USP34: variants seen among roughly 807,000 people sequenced by gnomAD.
USP34 encodes ubiquitin specific peptidase 34.
A neutral mutation model predicts 460.3 loss-of-function variants in USP34; 70 were observed. The observed-to-expected ratio is 0.15, with a 90% CI of 0.13 to 0.19. USP34 has a LOEUF of 0.19. Among genes scored for constraint, USP34 ranks in the 10% least tolerant of loss-of-function variants. The pLI, the probability that USP34 is intolerant of heterozygous loss-of-function variation, is 1.00. For missense variants in USP34, 3,985 were observed against 4,236.2 expected, an observed-to-expected ratio of 0.94 and a Z score of 1.65; for synonymous variants, 1,647 against 1,405.3, an observed-to-expected ratio of 1.17 and a Z score of -3.85.
chr2:61,369,918 A>T (rs1340128956), intron 10 of USP34, among the ~76,000 whole-genome samples: 1 of 151,756 alleles, frequency 6.6e-6, no homozygotes, highest in Non-Finnish European at 1.5e-5. Context: ...GCAGAAAGGA[A>T]AAACATGTAA....
chr2:61,343,783 G>T, intron 16 of USP34, 32 bp downstream of exon 16: 1 of 1,580,894 alleles, frequency 6.3e-7, no homozygotes, highest in South Asian at 1.1e-5. Flanking sequence ...TTGTGAAGAA[G>T]GTAATATATT....
At chr2:61,298,388 A>AAC (rs1289838400) in intron 29 of USP34, among the ~76,000 whole-genome samples, 1 of 145,786 alleles carries the variant, frequency 6.9e-6, no homozygotes, top group African/African-American at 2.6e-5. Context: ...AAAAAAAAAA[A>AAC]CTAGCTGGGC....
intron 48 of USP34, among the ~76,000 whole-genome samples, chr2:61,255,176 T>C (rs927601002): frequency 6.6e-6 from 1 of 152,208 alleles, no homozygotes; most frequent in African/African-American, 2.4e-5. Context: ...TCCAAGAAAT[T>C]CTACTGAAAA....
At chr2:61,190,201 A>G (rs1686590728) in intron 78 of USP34, 70 bp downstream of exon 78, 2 of 1,513,860 alleles carry the variant, frequency 1.3e-6, no homozygotes, top group South Asian at 1.3e-5. Context: ...GAGTAAAATC[A>G]TATGAAGGCC....
chr2:61,248,596 C>T lies in USP34; in HGVS notation c.6309G>A (p.Val2103=). The change falls in exon 49 of 80, where the codon GTG becomes GTA. Residue 2103 remains valine (V), a synonymous_variant. Coordinates refer to ENST00000398571, the MANE Select transcript of USP34 (RefSeq NM_014709.4). The part of the protein sequence containing the change: ...FNMVTMMKEK[V]NTHFSFPLRL... ...GTAATGGGAAGGAAAAGTGTGTATT[C>T]ACTTTCTCTTTCATCATCGTGACCA... The T allele has an allele frequency of 6.2e-7, 1 of 1,609,182 alleles. No individual in the cohort carries two copies.
intron 48 of USP34, among the ~76,000 whole-genome samples, chr2:61,255,396 C>A (rs1462942687): frequency 6.6e-6 from 1 of 152,182 alleles, no homozygotes; most frequent in Non-Finnish European, 1.5e-5. Flanking sequence ...CCTGCAGGAC[C>A]TTTCTAGCTG....
intron 72 of USP34, 64 bp from the exon 73 acceptor site, chr2:61,204,665 A>G: frequency 7.8e-7 from 1 of 1,290,200 alleles, no homozygotes; most frequent in Admixed American, 1.8e-5. Flanking sequence ...ACTACTTTCC[A>G]TCTTACAAAT....
At chr2:61,427,131 C>T (rs886112834) in intron 1 of USP34, among the ~76,000 whole-genome samples, 2 of 152,196 alleles carry the variant, frequency 1.3e-5, no homozygotes, top group East Asian at 3.9e-4. Flanking sequence ...AGGTTCACAC[C>T]ATTCTCCTGC....
chr2:61,289,397 A>G (rs1449976719), intron 33 of USP34, among the ~76,000 whole-genome samples: 2 of 151,984 alleles, frequency 1.3e-5, no homozygotes, highest in African/African-American at 4.8e-5. Flanking sequence ...AAATAAATTT[A>G]TTTTATTTAA....
intron 5 of USP34, among the ~76,000 whole-genome samples, 153 bp downstream of exon 5, chr2:61,394,700 A>G (rs1693463175): frequency 6.6e-6 from 1 of 152,126 alleles, no homozygotes; most frequent in Admixed American, 6.5e-5. Context: ...AATAATAAAG[A>G]TCGTTAAAAC....
At chr2:61,277,190 C>A (rs879915150) in intron 41 of USP34, among the ~76,000 whole-genome samples, 3 of 150,762 alleles carry the variant, frequency 2.0e-5, no homozygotes, top group Admixed American at 6.6e-5. Flanking sequence ...GACAGTAATT[C>A]AAAATATACA....
At chr2:61,284,389 A>T (rs986499628) in intron 35 of USP34, among the ~76,000 whole-genome samples, 18 of 152,208 alleles carry the variant, frequency 1.2e-4, no homozygotes, top group Admixed American at 9.2e-4. Flanking sequence ...AAAGGCTGAG[A>T]AAGTTATCTC....
intron 3 of USP34, among the ~76,000 whole-genome samples, chr2:61,401,780 G>A (rs1444979819): frequency 6.9e-6 from 1 of 145,834 alleles, no homozygotes; most frequent in East Asian, 2.1e-4. Context: ...GGATGGTCTC[G>A]ATATCCTGAC....
chr2:61,268,729 A>C (rs1230443780), intron 41 of USP34, among the ~76,000 whole-genome samples: 1 of 152,160 alleles, frequency 6.6e-6, no homozygotes, highest in African/African-American at 2.4e-5. Flanking sequence ...TATGTAAATA[A>C]GGTTTTTTAG....
intron 53 of USP34, among the ~76,000 whole-genome samples, chr2:61,240,278 T>C (rs981393077): frequency 2.0e-5 from 3 of 152,146 alleles, no homozygotes; most frequent in Non-Finnish European, 4.4e-5. Flanking sequence ...CACATTTGTA[T>C]TCCTTAATAT....
intron 18 of USP34, among the ~76,000 whole-genome samples, chr2:61,336,235 C>T (rs1274835965): frequency 6.6e-6 from 1 of 151,038 alleles, no homozygotes; most frequent in Non-Finnish European, 1.5e-5. Flanking sequence ...GCCTTGACTT[C>T]CCACCTCAGC....
At chr2:61,290,029 C>T (rs776493398) in intron 33 of USP34, among the ~76,000 whole-genome samples, 4 of 152,092 alleles carry the variant, frequency 2.6e-5, no homozygotes, top group Non-Finnish European at 4.4e-5. Flanking sequence ...AGGGAAAAGA[C>T]CATCTCACAA....
At chr2:61,248,729 C>T (rs761003612) in intron 48 of USP34, 46 bp from the exon 49 acceptor site, 1 of 1,492,458 alleles carries the variant, frequency 6.7e-7, no homozygotes, top group Non-Finnish European at 9.0e-7. Flanking sequence ...TTTACAAATA[C>T]TTCAGTTGGT....
intron 27 of USP34, among the ~76,000 whole-genome samples, chr2:61,303,294 G>A (rs1373671369): frequency 2.6e-5 from 4 of 152,180 alleles, no homozygotes; most frequent in Non-Finnish European, 5.9e-5. Flanking sequence ...TTGAACTCTT[G>A]ACCTCCGGTG....
Sources: gnomAD v4.1 joint callset for allele counts (sites outside exome capture counted in the v4.1 genomes callset) on GRCh38, gnomAD v4.1.1 for gene constraint, MANE v1.5 for transcripts, NCBI Gene and HGNC (gene_info 2026-07-23, HGNC 2026-07-21) for gene names.